The following SHISA9 variants were observed in gnomAD, a reference collection of about 807,000 sequenced individuals.
The protein encoded by SHISA9 is protein shisa-9.
Under a neutral mutation model 38.0 loss-of-function variants are expected in SHISA9, and 13 were observed. The ratio of observed to expected loss-of-function variants is 0.34; its 90% CI spans 0.22 to 0.54. The LOEUF (loss-of-function observed/expected upper bound fraction) is 0.54. SHISA9 is among the 20% of genes least tolerant of loss of function. The pLI, the probability that SHISA9 is intolerant of heterozygous loss-of-function variation, is 0.91. For missense variants in SHISA9, 538 were observed against 575.8 expected, an observed-to-expected ratio of 0.93 and a Z score of 0.67; for synonymous variants, 275 against 242.0, an observed-to-expected ratio of 1.14 and a Z score of -1.27.
rs555305450 is a variant in SHISA9 at position 13,238,640 on chromosome 16, C to T, written c.*3231C>T. ...CAGACTGGTCATTAAGATGTAGCCA[C>T]AATGATGGCCCAAGAAGGACACGTA... On this transcript the variant is annotated 3_prime_UTR_variant, in exon 5 of 5. Coordinates refer to ENST00000558583, the MANE Select transcript of SHISA9 (RefSeq NM_001145204.3). The T allele has an allele frequency of 6.6e-6, 1 of 152,162 alleles. No homozygotes were observed. Among genetic ancestry groups the T allele is most frequent in the South Asian group, 2.1e-4 (1 of 4,814 alleles). 9.4% of individuals were successfully genotyped at this position (152,162 alleles called of 1,614,324 possible).
chr16:13,358,304 C>T, the SHISA9 span, among the ~76,000 whole-genome samples: 6 of 152,058 alleles, frequency 3.9e-5, no homozygotes, highest in African/African-American at 1.2e-4. Flanking sequence ...GAGTGAGATA[C>T]CTGTATTCAA....
chr16:13,536,282 C>T, the SHISA9 span, among the ~76,000 whole-genome samples: 1 of 152,072 alleles, frequency 6.6e-6, no homozygotes, highest in Admixed American at 6.5e-5. Flanking sequence ...CAGGCATGAG[C>T]CACCGTACCT....
the SHISA9 span, among the ~76,000 whole-genome samples, chr16:13,539,358 T>TATATATATATAA: frequency 3.8e-4 from 25 of 65,356 alleles, 2 homozygotes; most frequent in Admixed American, 1.1e-3. Flanking sequence ...TATATATATA[T>TATATATATATAA]AAAGACAGGA....
intron 2 of SHISA9, among the ~76,000 whole-genome samples, chr16:13,145,910 G>A (rs1013445421): frequency 6.6e-6 from 1 of 152,174 alleles, no homozygotes; most frequent in African/African-American, 2.4e-5. Context: ...AGTGAGGGCT[G>A]GGCGAGGTGG....
the SHISA9 span, among the ~76,000 whole-genome samples, chr16:13,441,805 G>T: frequency 6.6e-6 from 1 of 152,264 alleles, no homozygotes; most frequent in Non-Finnish European, 1.5e-5. Context: ...ACTTAAGCAT[G>T]ACAGCACCCC....
intron 4 of SHISA9, among the ~76,000 whole-genome samples, chr16:13,217,809 C>A (rs547638025): frequency 6.6e-6 from 1 of 152,246 alleles, no homozygotes; most frequent in African/African-American, 2.4e-5. Flanking sequence ...GTGAGCAGAT[C>A]ACTTGAGGTA....
chr16:13,447,105 C>T, the SHISA9 span, among the ~76,000 whole-genome samples: 2 of 151,856 alleles, frequency 1.3e-5, no homozygotes, highest in African/African-American at 4.8e-5. Context: ...ATTTTCTCTC[C>T]ACCCCTGCTT....
intron 2 of SHISA9, among the ~76,000 whole-genome samples, chr16:13,155,891 T>C (rs1383356870): frequency 3.9e-5 from 6 of 151,910 alleles, no homozygotes; most frequent in Non-Finnish European, 7.4e-5. Context: ...TGAGGGAATG[T>C]GCTTGGAAAC....
chr16:13,450,194 C>G, the SHISA9 span, among the ~76,000 whole-genome samples: 4 of 152,150 alleles, frequency 2.6e-5, no homozygotes, highest in East Asian at 7.7e-4. Flanking sequence ...GCTGAATGAC[C>G]TCAGGTAATT....
the SHISA9 span, among the ~76,000 whole-genome samples, chr16:13,361,566 T>G: frequency 3.3e-5 from 5 of 152,242 alleles, no homozygotes; most frequent in Admixed American, 1.3e-4. Context: ...GATGACAAAA[T>G]GCAGGTGAAG....
chr16:13,217,117 A>T (rs2051177121), intron 4 of SHISA9, among the ~76,000 whole-genome samples: 1 of 150,000 alleles, frequency 6.7e-6, no homozygotes, highest in Non-Finnish European at 1.5e-5. Context: ...TAAAAATACA[A>T]AAAAAAAAAA....
At chr16:13,106,295 C>T (rs1194640800) in intron 2 of SHISA9, among the ~76,000 whole-genome samples, 1 of 152,156 alleles carries the variant, frequency 6.6e-6, no homozygotes, top group Admixed American at 6.5e-5. Context: ...TGTGTATCTT[C>T]TGGGCCCAGC....
intron 2 of SHISA9, among the ~76,000 whole-genome samples, chr16:12,924,529 T>C (rs1023499048): frequency 1.3e-5 from 2 of 152,180 alleles, no homozygotes; most frequent in African/African-American, 2.4e-5. Context: ...TTTTTCATAG[T>C]TGGGCAGACT....
chr16:13,529,799 C>T, the SHISA9 span, among the ~76,000 whole-genome samples: 1 of 152,204 alleles, frequency 6.6e-6, no homozygotes, highest in African/African-American at 2.4e-5. Context: ...GTATGATGTT[C>T]TTCAGGCAGT....
chr16:12,903,919 T>C (rs1252417921), intron 1 of SHISA9, among the ~76,000 whole-genome samples: 2 of 151,922 alleles, frequency 1.3e-5, no homozygotes. Flanking sequence ...ATTTTCTATT[T>C]ATACGCAGAG....
At chr16:13,157,460 C>T (rs1251931128) in intron 2 of SHISA9, among the ~76,000 whole-genome samples, 1 of 152,156 alleles carries the variant, frequency 6.6e-6, no homozygotes, top group African/African-American at 2.4e-5. Flanking sequence ...AGTTACTTAG[C>T]CTTTCTGTCC....
chr16:13,214,684 C>T (rs371603940), intron 4 of SHISA9, among the ~76,000 whole-genome samples: 4 of 152,278 alleles, frequency 2.6e-5, no homozygotes, highest in South Asian at 2.1e-4. Context: ...GGGGAAGTCT[C>T]ACAATCAGGG....
At chr16:13,464,880 A>G in the SHISA9 span, among the ~76,000 whole-genome samples, 43 of 152,080 alleles carry the variant, frequency 2.8e-4, no homozygotes, top group East Asian at 8.1e-3. Flanking sequence ...AATTCATTAA[A>G]TCCTACATCT....
At chr16:13,249,213 G>A in the SHISA9 span, among the ~76,000 whole-genome samples, 1 of 152,186 alleles carries the variant, frequency 6.6e-6, no homozygotes, top group East Asian at 1.9e-4. Flanking sequence ...GCTGGTCCCA[G>A]TAAGGAAGAT....
Sources: gnomAD v4.1 joint callset for allele counts (sites outside exome capture counted in the v4.1 genomes callset) on GRCh38, gnomAD v4.1.1 for gene constraint, MANE v1.5 for transcripts, NCBI Gene and HGNC (gene_info 2026-07-23, HGNC 2026-07-21) for gene names.